Variants in CRIP3 observed in about 807,000 individuals in gnomAD.
CRIP3 encodes the protein cysteine-rich protein 3.
In CRIP3, 23 loss-of-function variants were observed where a neutral mutation model predicts 30.3. The observed-to-expected ratio is 0.76, with a 90% CI of 0.55 to 1.08. The LOEUF is 1.08. Ranked by LOEUF, CRIP3 falls within the 50% of genes least tolerant of loss-of-function variation. CRIP3 has a pLI of 0.00. For synonymous variants in CRIP3, 89 were observed against 97.6 expected, an observed-to-expected ratio of 0.91 and a Z score of 0.52; for missense variants, 261 against 259.3, an observed-to-expected ratio of 1.01 and a Z score of -0.04.
In CRIP3 at chr6:43,305,881, A is replaced by G; in HGVS notation, c.554-6T>C. 1 of 1,614,078 alleles carries G rather than the reference A, an allele frequency of 6.2e-7. No individual in the cohort carries two copies. The highest frequency in any genetic ancestry group is 1.1e-5 in the South Asian group (1 of 91,080). ...CACATCGCCAATGTTCACACCTGAG[A>G]GAGAGAGCCCTATCACCAAAGGCCC... On this transcript the variant is annotated splice_region_variant and splice_polypyrimidine_tract_variant and intron_variant, in intron 7 of 7. Coordinates refer to ENST00000372569, the MANE Select transcript of CRIP3 (RefSeq NM_206922.3).
intron 1 of CRIP3, 106 bp downstream of exon 1, chr6:43,308,644 T>C: frequency 7.1e-7 from 1 of 1,408,862 alleles, no homozygotes; most frequent in South Asian, 1.2e-5. Context: ...CCGCTGCAGG[T>C]GAAAAGGGTG....
rs780835146 is a variant in CRIP3, at chr6:43,308,776, G to A, written c.17C>T (p.Pro6Leu). Residue 6 changes from proline (P) to leucine (L), a missense_variant, in exon 1 of 8, where the codon CCG (proline) becomes CTG (leucine). Coordinates refer to ENST00000372569, the MANE Select transcript of CRIP3 (RefSeq NM_206922.3). ...GAAGAAAACAGGTTGCTGGCAACGC[G>A]GACAGGTCCAGCTCATAGCTCCGCT... MSWTC[P>L]RCQQPVFFAE... 2 of 1,614,020 alleles carry A rather than the reference G, an allele frequency of 1.2e-6. No individual in the cohort carries two copies. The highest frequency in any genetic ancestry group is 1.1e-5 in the South Asian group (1 of 91,068).
At chr6:43,307,778 C>A in intron 3 of CRIP3, 35 bp from the exon 4 acceptor site, 1 of 1,608,898 alleles carries the variant, frequency 6.2e-7, no homozygotes. Flanking sequence ...GGCTTGAGCC[C>A]CCAGCTCCCA....
intron 4 of CRIP3, 71 bp from the exon 5 acceptor site, chr6:43,306,588 C>CTGG: frequency 1.6e-6 from 2 of 1,281,834 alleles, no homozygotes; most frequent in Non-Finnish European, 2.2e-6. Context: ...GCATATGGTG[C>CTGG]TGTCCTCTTT....
At position 43,307,678 on chromosome 6, in the gene CRIP3, T is replaced by A. The variant is rs751090342; in HGVS notation, c.262A>T (p.Thr88Ser). The A allele has an allele frequency of 6.0e-6, 9 of 1,505,438 alleles. No homozygotes were observed. The South Asian group carries it at 1.1e-4, about 18-fold the overall frequency. 93.3% of individuals were successfully genotyped at this position (1,505,438 alleles called of 1,614,324 possible). A position where few individuals can be genotyped will look rare whatever the true frequency, so the allele number is the denominator to read the frequency against. Residue 88 changes from threonine (T) to serine (S), a missense_variant, in exon 4 of 8, where the codon ACT (threonine) becomes TCT (serine). Coordinates refer to ENST00000372569, the MANE Select transcript of CRIP3 (RefSeq NM_206922.3). ...CTGAAGCTGCTGGGGCTGAGAGGAG[T>A]GGTGCAGCCAGGGCTGGGAGTGGGG... ...NPPTPSPGCT[T>S]PLSPSSFSPP... is the part of the protein sequence containing the mutation.
intron 4 of CRIP3, chr6:43,307,383 C>T: frequency 3.0e-6 from 1 of 337,568 alleles, no homozygotes; most frequent in Non-Finnish European, 5.3e-6. Flanking sequence ...CATGATCCAC[C>T]TGCCTCGGCC....
chr6:43,307,756 T>C lies in CRIP3; in HGVS notation c.197-13A>G, dbSNP rs761173880. 1.2e-6 allele frequency: 2 copies of C among 1,603,922 alleles called. No individual in the cohort carries two copies. The highest frequency in any genetic ancestry group is 1.1e-5 in the South Asian group (1 of 90,708). ...CCAATGTTCACCCCTGAAGAGAGAA[T>C]AGGGGAGGTCAGGCTTGAGCCCCCA... On this transcript the variant is annotated splice_polypyrimidine_tract_variant and intron_variant, in intron 3 of 7. Transcript: ENST00000372569.
At chr6:43,307,544 GC>G in intron 4 of CRIP3, 67 bp downstream of exon 4, 1 of 1,365,154 alleles carries the variant, frequency 7.3e-7, no homozygotes, top group Non-Finnish European at 9.6e-7. Context: ...CTGCCACCTG[GC>G]CCAACCTCCG....
intron 2 of CRIP3, 26 bp from the exon 3 acceptor site, chr6:43,307,922 T>C: frequency 1.9e-6 from 3 of 1,612,546 alleles, no homozygotes; most frequent in South Asian, 2.2e-5. Flanking sequence ...GGGAAGTGGG[T>C]TACTCAAGGC....
intron 4 of CRIP3, chr6:43,307,061 C>G (rs1486122336): frequency 6.5e-6 from 1 of 154,974 alleles, no homozygotes; most frequent in Non-Finnish European, 1.4e-5. Flanking sequence ...GTCATTTGCC[C>G]TGTCTGGATC....
intron 4 of CRIP3, chr6:43,307,141 T>A: frequency 7.1e-6 from 1 of 140,408 alleles, no homozygotes. Flanking sequence ...TCTTTTTTTT[T>A]TTTTTTTTTT....
At position 43,308,745 on chromosome 6, in the gene CRIP3, C is replaced by G. The variant is rs759383779; in HGVS notation, c.43+5G>C. On this transcript the variant is annotated splice_donor_5th_base_variant and intron_variant, in intron 1 of 7. Coordinates refer to ENST00000372569, the MANE Select transcript of CRIP3 (RefSeq NM_206922.3). ...TCTTCTCCCCCTCCGCAGCCCGGGC[C>G]TCACCGAAGAAAACAGGTTGCTGGC... The G allele has an allele frequency of 1.2e-5, 19 of 1,613,998 alleles. No homozygotes were observed. The highest frequency in any genetic ancestry group is 1.6e-5 in the Non-Finnish European group (19 of 1,180,044).
intron 4 of CRIP3, 31 bp downstream of exon 4, chr6:43,307,581 G>T: frequency 7.1e-7 from 1 of 1,408,208 alleles, no homozygotes; most frequent in South Asian, 1.9e-5. Flanking sequence ...GGGTCGGGAG[G>T]AGGACTGGGA....
In CRIP3 at chr6:43,308,387, G is replaced by A. The variant is rs1177091575; in HGVS notation, c.66C>T (p.Gly22=). ...TCAGGCAGAAGCGGTGCCAGTTCTT[G>A]CCCAGGGAGCTCACCTTCTCAGCTG... ...VFFAEKVSSL[G]KNWHRFCLKC... The change falls in exon 2 of 8, where the codon GGC becomes GGT. Residue 22 remains glycine (G), a synonymous_variant. Coordinates refer to ENST00000372569, the MANE Select transcript of CRIP3 (RefSeq NM_206922.3). 9 of 1,612,874 alleles carry A rather than the reference G, an allele frequency of 5.6e-6. No individual in the cohort carries two copies. The highest frequency in any genetic ancestry group is 7.6e-6 in the Non-Finnish European group (9 of 1,179,732).
chr6:43,307,785 C>A, intron 3 of CRIP3, 42 bp from the exon 4 acceptor site: 1 of 1,609,536 alleles, frequency 6.2e-7, no homozygotes, highest in Non-Finnish European at 8.5e-7. Flanking sequence ...GCCCCCAGCT[C>A]CCAGCCACAA....
rs1778943784 is a variant in CRIP3 at position 43,306,788 on chromosome 6, T to G, written c.329-271A>C. On this transcript the variant is annotated intron_variant, in intron 4 of 7. Transcript: ENST00000372569. ...CACGTACCCACCATCCCAACCCTGT[T>G]AGCAACTCAATCCTCAGGAAACTTG... The G allele has an allele frequency of 3.3e-5, 13 of 397,866 alleles. No individual in the cohort carries two copies. The South Asian group carries it at 4.7e-4, about 14-fold the overall frequency. 24.6% of individuals were successfully genotyped at this position (397,866 alleles called of 1,614,324 possible). A position where few individuals can be genotyped will look rare whatever the true frequency, so the allele number is the denominator to read the frequency against.
At chr6:43,306,678 C>G (rs756950512) in intron 4 of CRIP3, 161 bp from the exon 5 acceptor site, 1 of 613,228 alleles carries the variant, frequency 1.6e-6, no homozygotes, top group African/African-American at 1.9e-5. Flanking sequence ...TGAGCCCCCT[C>G]TGACTCCACC....
Position 43,308,309 on chromosome 6 carries a change from T to C in CRIP3, c.138+6A>G. 6.2e-7 allele frequency: 1 copy of C among 1,609,528 alleles called. No individual in the cohort carries two copies. ...AACAGGGCAGTGCTCCCTGGCCAGG[T>C]CTTACCTCTGCATGCCCGCCAGGGG... On this transcript the variant is annotated splice_donor_region_variant and intron_variant, in intron 2 of 7. Transcript: ENST00000372569.
Position 43,308,343 on chromosome 6 carries a change from C to T in CRIP3, c.110G>A (p.Ser37Asn), listed in dbSNP as rs1582563889. 1 of 1,612,798 alleles carries T rather than the reference C, an allele frequency of 6.2e-7. No individual in the cohort carries two copies. The highest frequency in any genetic ancestry group is 2.2e-5 in the East Asian group (1 of 44,830). ...RFCLKCERCHSILSPGGHAEH... is the reference protein window; with the variant it reads ...RFCLKCERCHNILSPGGHAEH... ...TGCATGCCCGCCAGGGGACAGGATG[C>T]TGTGGCAGCGCTCACATTTCAGGCA... The change falls in exon 2 of 8, where the codon AGC becomes AAC. Residue 37 changes from serine to asparagine, a missense_variant. Transcript: ENST00000372569.
Sources: allele counts gnomAD v4.1 joint callset, GRCh38; gene constraint gnomAD v4.1.1; transcripts MANE v1.5; gene names NCBI Gene and HGNC (gene_info 2026-07-23, HGNC 2026-07-21).